Variants in CIBAR2 observed in about 807,000 individuals in gnomAD.
CIBAR2 encodes the protein CBY1-interacting BAR domain-containing protein 2.
Under a neutral mutation model 36.2 loss-of-function variants are expected in CIBAR2, and 38 were observed. The ratio of observed to expected loss-of-function variants is 1.05; its 90% confidence interval spans 0.81 to 1.38. CIBAR2 has a LOEUF of 1.38. CIBAR2 is among the 40% of genes most tolerant of loss of function. The pLI, the probability that CIBAR2 is intolerant of heterozygous loss-of-function variation, is 0.00. For synonymous variants in CIBAR2, 182 were observed against 149.5 expected (o/e 1.22, Z -1.58); for missense variants, 481 against 383.4 (o/e 1.25, Z -2.13).
At chr16:85,103,564 G>A (rs900784084) in intron 6 of CIBAR2, among the ~76,000 whole-genome samples, 4 of 152,180 alleles carry the variant, frequency 2.6e-5, no homozygotes, top group Non-Finnish European at 4.4e-5. Context: ...CTGGAGAACC[G>A]TGTGGTCCAT....
At chr16:85,105,529 G>T (rs569803256) in intron 5 of CIBAR2, 98 bp from the exon 6 acceptor site, 2 of 857,954 alleles carry the variant, frequency 2.3e-6, no homozygotes, top group Admixed American at 2.2e-5. Context: ...CTTCTCTCAG[G>T]CCAGTTCTCC....
intron 1 of CIBAR2, 141 bp downstream of exon 1, chr16:85,112,192 C>A: frequency 1.4e-6 from 1 of 724,696 alleles, no homozygotes. Context: ...GAGGTGGAGG[C>A]ACCGTGGGAG....
At chr16:85,104,680 C>T (rs1294303030) in intron 6 of CIBAR2, among the ~76,000 whole-genome samples, 1 of 152,094 alleles carries the variant, frequency 6.6e-6, no homozygotes, top group Non-Finnish European at 1.5e-5. Flanking sequence ...CATACCATTG[C>T]ACTCCAGCCT....
chr16:85,108,461 C>T (rs571157352), intron 2 of CIBAR2, among the ~76,000 whole-genome samples: 4 of 152,324 alleles, frequency 2.6e-5, no homozygotes, highest in East Asian at 3.9e-4. Context: ...GGTGTGTGCT[C>T]AGTCTCTCTA....
At chr16:85,110,485 C>A in intron 1 of CIBAR2, 25 bp from the exon 2 acceptor site, 1 of 1,540,770 alleles carries the variant, frequency 6.5e-7, no homozygotes, top group South Asian at 1.2e-5. Flanking sequence ...ACCTGAGCAG[C>A]CATTCTGGGC....
intron 7 of CIBAR2, among the ~76,000 whole-genome samples, chr16:85,101,570 A>T (rs2073955535): frequency 6.6e-6 from 1 of 152,232 alleles, no homozygotes; most frequent in South Asian, 2.1e-4. Context: ...GATTTTAACC[A>T]GATCAGAAGG....
In CIBAR2 at chr16:85,112,437, G is replaced by C. The variant is rs2074050792; in HGVS notation, c.-85C>G. 7.2e-7 allele frequency: 1 copy of C among 1,387,890 alleles called. No individual in the cohort carries two copies. Among genetic ancestry groups the C allele is most frequent in the South Asian group, 1.2e-5 (1 of 86,088 alleles). 86.0% of individuals were successfully genotyped at this position (1,387,890 alleles called of 1,614,324 possible). On this transcript the variant is annotated 5_prime_UTR_variant, in exon 1 of 9. Coordinates refer to ENST00000539556, the MANE Select transcript of CIBAR2 (RefSeq NM_198491.3). ...TGCAGGCCTGGGAGGAGCCGGGCAG[G>C]GCTGGGTGCAGCTGTGTGGCCTGGG...
intron 1 of CIBAR2, among the ~76,000 whole-genome samples, chr16:85,110,676 T>C (rs1002309382): frequency 6.7e-6 from 1 of 148,470 alleles, no homozygotes; most frequent in Non-Finnish European, 1.5e-5. Flanking sequence ...GGCAGGAATA[T>C]AAATGCGGGC....
rs2144178669 is a variant in CIBAR2, at chr16:85,110,383, G to A, written c.98C>T (p.Ala33Val). The A allele has an allele frequency of 6.2e-7, 1 of 1,613,462 alleles. No individual in the cohort carries two copies. Among genetic ancestry groups the A allele is most frequent in the South Asian group, 1.1e-5 (1 of 91,038 alleles). Residue 33 changes from alanine to valine, a missense_variant, in exon 2 of 9, where the codon GCC becomes GTC. Ala to Val is a moderately conservative substitution (Grantham distance 64). Transcript: ENST00000539556. ...KYFGQFCSLL[A>V]AYTRKTARLR... ...CCGGGCCGTCTTGCGCGTGTAGGCGGCCAGCAGCGAGCAGAACTGCCCAAA... is the reference window on the plus strand; with the variant it reads ...CCGGGCCGTCTTGCGCGTGTAGGCGACCAGCAGCGAGCAGAACTGCCCAAA...
chr16:85,108,120 G>C (rs2074012049), intron 2 of CIBAR2, 21 bp from the exon 3 acceptor site: 2 of 1,596,780 alleles, frequency 1.3e-6, no homozygotes, highest in African/African-American at 1.3e-5. Flanking sequence ...GGGGACACCA[G>C]GGGATCTGAG....
chr16:85,107,166 C>G (rs183037404), intron 5 of CIBAR2, among the ~76,000 whole-genome samples: 3 of 151,642 alleles, frequency 2.0e-5, no homozygotes, highest in Non-Finnish European at 4.4e-5. Context: ...AGGGGGGGGG[C>G]ACTCTTTGGA....
At chr16:85,103,635 T>G (rs1267156870) in intron 6 of CIBAR2, among the ~76,000 whole-genome samples, 1 of 152,242 alleles carries the variant, frequency 6.6e-6, no homozygotes, top group Non-Finnish European at 1.5e-5. Context: ...GTCTGCCGAC[T>G]GTTTCAGTTT....
intron 1 of CIBAR2, 35 bp from the exon 2 acceptor site, chr16:85,110,495 C>T: frequency 6.7e-7 from 1 of 1,491,366 alleles, no homozygotes; most frequent in Non-Finnish European, 9.1e-7. Flanking sequence ...CCATTCTGGG[C>T]AGAGATGCAG....
intron 1 of CIBAR2, 102 bp downstream of exon 1, chr16:85,112,224 ACCCCCAC>A: frequency 1.0e-6 from 1 of 955,114 alleles, no homozygotes; most frequent in Non-Finnish European, 1.7e-6. Context: ...CTCACCCCCA[ACCCCCAC>A]CCCAAGCAGC....
At chr16:85,112,236 A>G in intron 1 of CIBAR2, 97 bp downstream of exon 1, 1 of 1,106,394 alleles carries the variant, frequency 9.0e-7, no homozygotes. Flanking sequence ...CCCCACCCCA[A>G]GCAGCAGGCC....
chr16:85,103,995 A>T (rs2073975416), intron 6 of CIBAR2, among the ~76,000 whole-genome samples: 1 of 152,258 alleles, frequency 6.6e-6, no homozygotes, highest in South Asian at 2.1e-4. Context: ...TGGTGTACCC[A>T]GCATCAGGCA....
intron 5 of CIBAR2, among the ~76,000 whole-genome samples, chr16:85,106,043 C>T (rs997444687): frequency 6.6e-6 from 1 of 152,162 alleles, no homozygotes; most frequent in African/African-American, 2.4e-5. Context: ...GTTTGTGAAA[C>T]GCCTGAGATG....
At chr16:85,103,612 G>A (rs1204498504) in intron 6 of CIBAR2, among the ~76,000 whole-genome samples, 1 of 152,220 alleles carries the variant, frequency 6.6e-6, no homozygotes, top group Non-Finnish European at 1.5e-5. Context: ...AGACACATCA[G>A]GTGCTGAATA....
At chr16:85,105,513 T>A in intron 5 of CIBAR2, 82 bp from the exon 6 acceptor site, 1 of 1,009,064 alleles carries the variant, frequency 9.9e-7, no homozygotes, top group Non-Finnish European at 1.5e-6. Flanking sequence ...ACTCTGTCTC[T>A]AAACCCTTCT....
Sources: allele counts gnomAD v4.1 joint callset (sites outside exome capture counted in the v4.1 genomes callset), GRCh38; gene constraint gnomAD v4.1.1; transcripts MANE v1.5; gene names NCBI Gene and HGNC (gene_info 2026-07-23, HGNC 2026-07-21).